The following BMP15 variants were observed in gnomAD, a reference collection of about 807,000 sequenced individuals.
BMP15 encodes growth/differentiation factor 9B.
In BMP15, 5 loss-of-function variants were observed where a neutral mutation model predicts 4.4. That is an observed-to-expected ratio of 1.13 (90% CI 0.59 to 2.38). BMP15 has a LOEUF of 2.38. BMP15 is among the 30% of genes most tolerant of loss of function. The pLI is 0.01. For missense variants in BMP15, 339 were observed against 309.8 expected, an observed-to-expected ratio of 1.09 and a Z score of -0.71; for synonymous variants, 125 against 114.6, an observed-to-expected ratio of 1.09 and a Z score of -0.58.
intron 1 of BMP15, among the ~76,000 whole-genome samples, chrX:50,914,186 G>T (rs782429735): frequency 9.0e-6 from 1 of 111,409 alleles, no homozygotes; most frequent in East Asian, 2.9e-4. Context: ...TGGCCAGGCT[G>T]GTCTCAAACT....
rs371418883 is a variant in BMP15, at chrX:50,915,841, G to A, written c.413G>A (p.Arg138His). ...YQLVRATVVY[R>H]HHLQLTRFNL... is the part of the protein sequence containing the mutation. ...CTAGTTAGAGCCACTGTGGTTTACCGCCATCATCTCCAACTAACTCGCTTC... is the reference window on the plus strand; with the variant it reads ...CTAGTTAGAGCCACTGTGGTTTACCACCATCATCTCCAACTAACTCGCTTC... Residue 138 changes from arginine to histidine, a missense_variant, in exon 2 of 2, where the codon CGC (arginine) becomes CAC (histidine). Physicochemically the swap from Arg to His is conservative, Grantham distance 29. Transcript: ENST00000252677. 10 of 1,211,214 alleles carry A rather than the reference G, an allele frequency of 8.3e-6. No individual in the cohort carries two copies. The highest frequency in any genetic ancestry group is 3.5e-5 in the South Asian group (2 of 56,888).
chrX:50,915,938 T>G lies in BMP15; in HGVS notation c.510T>G (p.Asp170Glu), dbSNP rs782780997. 2 of 1,211,686 alleles carry G rather than the reference T, an allele frequency of 1.7e-6. No homozygotes were observed. The highest frequency in any genetic ancestry group is 3.5e-5 in the South Asian group (2 of 56,978). ...ACCACTTCCCTTCCTCAGAAGGAGA[T>G]TCCTCAAAACCTTCCCTGATGTCTA... ...PTNHFPSSEG[D>E]SSKPSLMSNA... Residue 170 changes from aspartate to glutamate, a missense_variant, in exon 2 of 2, where the codon GAT becomes GAG. Asp to Glu is a conservative substitution (Grantham distance 45). Coordinates refer to ENST00000252677, the MANE Select transcript of BMP15 (RefSeq NM_005448.2).
At position 50,916,312 on chromosome X, in the gene BMP15, C is replaced by T; in HGVS notation, c.884C>T (p.Pro295Leu). 8.4e-7 allele frequency: 1 copy of T among 1,197,184 alleles called. No homozygotes were observed. The highest frequency in any genetic ancestry group is 1.1e-6 in the Non-Finnish European group (1 of 887,214). The change falls in exon 2 of 2, where the codon CCT becomes CTT. Residue 295 changes from proline (P) to leucine (L), a missense_variant. Physicochemically the swap from Pro to Leu is moderately conservative, Grantham distance 98. Transcript: ENST00000252677. ...GPENNQCSLH[P>L]FQISFRQLGW... ...GAAAATAACCAGTGTTCCCTCCACCCTTTCCAAATCAGCTTCCGCCAGCTG... is the reference window on the plus strand; with the variant it reads ...GAAAATAACCAGTGTTCCCTCCACCTTTTCCAAATCAGCTTCCGCCAGCTG...
chrX:50,910,974 G>T lies in BMP15; in HGVS notation c.191G>T (p.Gly64Val). Residue 64 changes from glycine (G) to valine (V), a missense_variant, in exon 1 of 2, where the codon GGG (glycine) becomes GTG (valine). Transcript: ENST00000252677. ...CAGCCAAGGAAGCCCCGGCTCCTAG[G>T]GCATTCACTGCGGTACATGCTGGAG... ...GEQPRKPRLL[G>V]HSLRYMLELY... 8.4e-7 allele frequency: 1 copy of T among 1,191,184 alleles called. No individual in the cohort carries two copies. The highest frequency in any genetic ancestry group is 3.1e-5 in the East Asian group (1 of 32,647).
chrX:50,914,172 A>G (rs1377241274), intron 1 of BMP15, among the ~76,000 whole-genome samples: 7 of 111,568 alleles, frequency 6.3e-5, no homozygotes, highest in Non-Finnish European at 9.4e-5. Context: ...GGGTGTCACC[A>G]TGTTGGCCAG....
intron 1 of BMP15, among the ~76,000 whole-genome samples, chrX:50,912,700 C>A (rs1479410885): frequency 9.0e-6 from 1 of 111,457 alleles, no homozygotes; most frequent in Non-Finnish European, 1.9e-5. Flanking sequence ...ATGTTGGCAC[C>A]TACTGAGTAC....
rs1557280297 is a variant in BMP15 at position 50,915,971 on chromosome X, G to A, written c.543G>A (p.Trp181Ter). The A allele has an allele frequency of 3.3e-6, 4 of 1,211,684 alleles. No homozygotes were observed. The highest frequency in any genetic ancestry group is 4.5e-6 in the Non-Finnish European group (4 of 895,556). The change falls in exon 2 of 2, where the codon TGG (tryptophan) becomes TGA (stop). Residue 181 changes from tryptophan to a stop codon, truncating the protein, a stop_gained. Transcript: ENST00000252677. LOFTEE classifies it low-confidence loss of function (END_TRUNC). ...SSKPSLMSNA[W>*]KEMDITQLVQ... ...AACCTTCCCTGATGTCTAACGCTTGGAAAGAGATGGATATCACACAACTTG... is the reference window on the plus strand; with the variant it reads ...AACCTTCCCTGATGTCTAACGCTTGAAAAGAGATGGATATCACACAACTTG...
At chrX:50,911,217 C>T in intron 1 of BMP15, 106 bp downstream of exon 1, 1 of 958,654 alleles carries the variant, frequency 1.0e-6, no homozygotes, top group Non-Finnish European at 1.5e-6. Context: ...GCCTTGTGGG[C>T]AGGTTGTTTC....
At chrX:50,914,279 G>C (rs1923079535) in intron 1 of BMP15, among the ~76,000 whole-genome samples, 1 of 109,504 alleles carries the variant, frequency 9.1e-6, no homozygotes, top group Admixed American at 9.6e-5. Flanking sequence ...GCCGGAATTT[G>C]AACTTTTAAA....
chrX:50,912,296 G>T (rs1923029990), intron 1 of BMP15, among the ~76,000 whole-genome samples: 1 of 111,728 alleles, frequency 9.0e-6, no homozygotes, highest in Non-Finnish European at 1.9e-5. Flanking sequence ...CAGGCCCAAA[G>T]CCTGTGTGTT....
Position 50,915,018 on chromosome X carries a change from C to T in BMP15, c.329-739C>T, listed in dbSNP as rs1229050162. ...TAAAATGAATGGGGTAAATGGAGAACAATTTCCAGCAAGGAGTGGTAAAGA... is the reference window on the plus strand; with the variant it reads ...TAAAATGAATGGGGTAAATGGAGAATAATTTCCAGCAAGGAGTGGTAAAGA... On this transcript the variant is annotated intron_variant, in intron 1 of 1. Coordinates refer to ENST00000252677, the MANE Select transcript of BMP15 (RefSeq NM_005448.2). Among the ~76,000 whole-genome samples, 6 of 111,310 alleles carry T rather than the reference C, an allele frequency of 5.4e-5. No homozygotes were observed. The East Asian group carries it at 1.4e-3, about 26-fold the overall frequency.
Position 50,911,042 on chromosome X carries a change from A to C in BMP15, c.259A>C (p.Asn87His), listed in dbSNP as rs782076983. The change falls in exon 1 of 2, where the codon AAC (asparagine) becomes CAC (histidine). Residue 87 changes from asparagine (N) to histidine (H), a missense_variant. By Grantham distance (68) the Asn-to-His change is moderately conservative. Coordinates refer to ENST00000252677, the MANE Select transcript of BMP15 (RefSeq NM_005448.2). Reference sequence around the variant, plus strand: ...TGACTCGCATGGGCACCCTAGAGAGAACCGCACCATTGGGGCCACCATGGT... The same window carrying C: ...TGACTCGCATGGGCACCCTAGAGAGCACCGCACCATTGGGGCCACCATGGT... ...SADSHGHPRE[N>H]RTIGATMVRL... 8.3e-7 allele frequency: 1 copy of C among 1,199,072 alleles called. No individual in the cohort carries two copies. Among genetic ancestry groups the C allele is most frequent in the Non-Finnish European group, 1.1e-6 (1 of 889,131 alleles).
rs782126498 is a variant in BMP15 at position 50,916,460 on chromosome X, C to G, written c.1032C>G (p.Ile344Met). The change falls in exon 2 of 2, where the codon ATC becomes ATG. Residue 344 changes from isoleucine (I) to methionine (M), a missense_variant. Transcript: ENST00000252677. ...ATCACGCCATTATTCAGAACCTTATCAATCAGTTGGTGGACCAGAGTGTCC... is the reference window on the plus strand; with the variant it reads ...ATCACGCCATTATTCAGAACCTTATGAATCAGTTGGTGGACCAGAGTGTCC... ...SPNHAIIQNLINQLVDQSVPR... is the reference protein window; with the variant it reads ...SPNHAIIQNLMNQLVDQSVPR... 3.6e-5 allele frequency: 44 copies of G among 1,209,360 alleles called. No homozygotes were observed. The highest frequency in any genetic ancestry group is 4.2e-5 in the Non-Finnish European group (38 of 895,135).
chrX:50,910,823 G>T lies in BMP15; in HGVS notation c.40G>T (p.Glu14Ter). The T allele has an allele frequency of 8.3e-7, 1 of 1,209,529 alleles. No individual in the cohort carries two copies. ...LSILRILFLCELVLFMEHRAQ... is the reference protein window; with the variant it reads ...LSILRILFLC ...TATTCTTAGAATTCTTTTTCTTTGTGAACTCGTGCTTTTCATGGAACACAG... is the reference window on the plus strand; with the variant it reads ...TATTCTTAGAATTCTTTTTCTTTGTTAACTCGTGCTTTTCATGGAACACAG... Residue 14 changes from glutamate to a stop codon, truncating the protein, a stop_gained, in exon 1 of 2, where the codon GAA (glutamate) becomes TAA (stop). Coordinates refer to ENST00000252677, the MANE Select transcript of BMP15 (RefSeq NM_005448.2). LOFTEE classifies it high-confidence loss of function.
rs782497518 is a variant in BMP15 at position 50,911,526 on chromosome X, AG to A, written c.328+417del. Among the ~76,000 whole-genome samples the A allele has an allele frequency of 1.8e-3, 205 of 112,364 alleles. 1 individual carries two copies. Among genetic ancestry groups the A allele is most frequent in the African/African-American group, 6.1e-3 (189 of 30,962 alleles). On this transcript the variant is annotated intron_variant, in intron 1 of 1. Coordinates refer to ENST00000252677, the MANE Select transcript of BMP15 (RefSeq NM_005448.2). Reference sequence around the variant, plus strand: ...TGGGGAAACTTATAAGGCCTCAGAAAGGACATAAATAAGCTTACATCTGAGG... The same window carrying A: ...TGGGGAAACTTATAAGGCCTCAGAAAGACATAAATAAGCTTACATCTGAGG...
chrX:50,911,292 A>G (rs781807472), intron 1 of BMP15, among the ~76,000 whole-genome samples, 181 bp downstream of exon 1: 85 of 113,147 alleles, frequency 7.5e-4, no homozygotes, highest in African/African-American at 2.6e-3. Flanking sequence ...ACTTCCCTTT[A>G]GGGCATCAAC....
intron 1 of BMP15, 128 bp from the exon 2 acceptor site, chrX:50,915,629 A>G: frequency 1.2e-6 from 1 of 845,286 alleles, no homozygotes; most frequent in Non-Finnish European, 1.7e-6. Context: ...AAATGATAGT[A>G]TCATTATCTT....
At chrX:50,913,964 A>G (rs1557280140) in intron 1 of BMP15, among the ~76,000 whole-genome samples, 1 of 110,841 alleles carries the variant, frequency 9.0e-6, no homozygotes, top group African/African-American at 3.3e-5. Context: ...TTGGAATTTG[A>G]CCTTTTATTT....
rs1923144621 is a variant in BMP15, at chrX:50,916,570, A to G, written c.1142A>G (p.Tyr381Cys). 8.3e-7 allele frequency: 1 copy of G among 1,209,343 alleles called. No individual in the cohort carries two copies. Residue 381 changes from tyrosine (Y) to cysteine (C), a missense_variant, in exon 2 of 2, where the codon TAT becomes TGT. Coordinates refer to ENST00000252677, the MANE Select transcript of BMP15 (RefSeq NM_005448.2). ...AATGGGAGTATTTTGTACAAGGAGT[A>G]TGAGGGTATGATTGCTGAGTCTTGT... ...EANGSILYKE[Y>C]EGMIAESCTC...
Sources: gnomAD v4.1 joint callset for allele counts (sites outside exome capture counted in the v4.1 genomes callset) on GRCh38, gnomAD v4.1.1 for gene constraint, MANE v1.5 for transcripts, NCBI Gene and HGNC (gene_info 2026-07-23, HGNC 2026-07-21) for gene names.